CDH13: variants seen among roughly 807,000 people sequenced by gnomAD.
The protein encoded by CDH13 is cadherin 13.
In CDH13, 24 loss-of-function variants were observed where a neutral mutation model predicts 63.8. That is an observed-to-expected ratio of 0.38 (90% CI 0.27 to 0.53). The LOEUF (loss-of-function observed/expected upper bound fraction) is 0.53, where lower values mean the gene tolerates loss of function less well. CDH13 is among the 20% of genes least tolerant of loss of function. The pLI is 0.85. For synonymous variants in CDH13, 503 were observed against 355.3 expected (o/e 1.42, Z -4.67); for missense variants, 1,049 against 903.1 (o/e 1.16, Z -2.07).
intron 1 of CDH13, among the ~76,000 whole-genome samples, chr16:82,724,127 T>A (rs2032949046): frequency 6.6e-6 from 1 of 152,186 alleles, no homozygotes; most frequent in Non-Finnish European, 1.5e-5. Flanking sequence ...CCTACAATTG[T>A]GCAGGGTAAA....
rs112714171 is a variant in CDH13 at position 83,146,053 on chromosome 16, G to T, written c.483+20552G>T. ...TGCTAAAAACACAAAAAATTAGCCA[G>T]ACATGGTGGCAGCACCTGTAATTCC... is the stretch of plus-strand genomic sequence containing the variant. On this transcript the variant is annotated intron_variant, in intron 4 of 13. Coordinates refer to ENST00000567109, the MANE Select transcript of CDH13 (RefSeq NM_001257.5). 3.4e-3 allele frequency among the ~76,000 whole-genome samples: 522 copies of T among 152,218 alleles called. 2 individuals are homozygous for T. Among genetic ancestry groups the T allele is most frequent in the Non-Finnish European group, 6.0e-3 (406 of 68,026 alleles).
At chr16:82,949,123 G>T (rs879630056) in intron 2 of CDH13, among the ~76,000 whole-genome samples, 1 of 152,132 alleles carries the variant, frequency 6.6e-6, no homozygotes, top group Non-Finnish European at 1.5e-5. Flanking sequence ...AAAAGTACTG[G>T]GTGACTTAAA....
rs71148809 is a variant in CDH13, at chr16:83,080,871, GTTTTTT to G, written c.367-44492_367-44487del. Among the ~76,000 whole-genome samples the G allele has an allele frequency of 8.1e-4, 38 of 46,956 alleles. 1 individual carries two copies. Among genetic ancestry groups the G allele is most frequent in the East Asian group, 2.8e-3 (3 of 1,054 alleles). 30.8% of individuals were successfully genotyped at this position (46,956 alleles called of 152,430 possible). ...AGATAGAGTTTTGTTTTGTTTTTGT[GTTTTTT>G]TTTTTTTTTTTTTTTTTTTTTGAGA... On this transcript the variant is annotated intron_variant, in intron 3 of 13. Transcript: ENST00000567109.
At chr16:83,050,387 C>G (rs1056603830) in intron 3 of CDH13, among the ~76,000 whole-genome samples, 6 of 152,158 alleles carry the variant, frequency 3.9e-5, no homozygotes, top group African/African-American at 1.2e-4. Flanking sequence ...TCTACAGCAG[C>G]TGAACCACTT....
intron 6 of CDH13, among the ~76,000 whole-genome samples, chr16:83,480,997 G>T (rs921990533): frequency 2.0e-5 from 3 of 152,176 alleles, no homozygotes; most frequent in African/African-American, 7.2e-5. Flanking sequence ...TCCTTTTGAA[G>T]CACCACTATT....
intron 6 of CDH13, among the ~76,000 whole-genome samples, chr16:83,483,120 C>T (rs898591578): frequency 1.3e-5 from 2 of 152,208 alleles, no homozygotes; most frequent in East Asian, 1.9e-4. Flanking sequence ...TGGCCACGGT[C>T]ACGCAGCTTG....
chr16:83,708,674 C>T (rs895676583), intron 10 of CDH13, among the ~76,000 whole-genome samples: 4 of 152,168 alleles, frequency 2.6e-5, no homozygotes, highest in African/African-American at 9.7e-5. Context: ...GATGAAAGGT[C>T]TTTAGACGAC....
chr16:83,019,895 A>G (rs948518524), intron 2 of CDH13, among the ~76,000 whole-genome samples: 8 of 151,934 alleles, frequency 5.3e-5, no homozygotes, highest in African/African-American at 1.5e-4. Flanking sequence ...AACCAGTAGC[A>G]TAGTTGTTTA....
rs532460258 is a variant in CDH13, at chr16:83,643,887, C to T, written c.1102-26903C>T. ...TGTCCACTGTACAGCCACCTACCCA[C>T]GCTTTACGTACTACCCAGCTCTTCC... On this transcript the variant is annotated intron_variant, in intron 8 of 13. Coordinates refer to ENST00000567109, the MANE Select transcript of CDH13 (RefSeq NM_001257.5). Among the ~76,000 whole-genome samples, 191 of 152,354 alleles carry T rather than the reference C, an allele frequency of 1.3e-3. 1 individual carries two copies. Among genetic ancestry groups the T allele is most frequent in the African/African-American group, 3.2e-3 (132 of 41,580 alleles).
intron 2 of CDH13, among the ~76,000 whole-genome samples, chr16:82,863,897 A>AT (rs55887108): frequency 0.76 from 114,664 of 151,490 alleles, 43,659 homozygotes; most frequent in East Asian, 0.88. Context: ...ATTTTAAAAA[A>AT]TTGGTAAGAC....
intron 6 of CDH13, among the ~76,000 whole-genome samples, chr16:83,418,484 A>C (rs554516948): frequency 1.3e-5 from 2 of 152,288 alleles, no homozygotes; most frequent in South Asian, 2.1e-4. Flanking sequence ...ACATTCTCAT[A>C]GGTCAGTAGG....
At chr16:82,740,274 G>T (rs1484963019) in intron 1 of CDH13, among the ~76,000 whole-genome samples, 1 of 152,134 alleles carries the variant, frequency 6.6e-6, no homozygotes. Flanking sequence ...CTTTAATTCT[G>T]GATGGAAACT....
At chr16:83,657,304 A>G (rs1217558362) in intron 8 of CDH13, among the ~76,000 whole-genome samples, 2 of 152,172 alleles carry the variant, frequency 1.3e-5, no homozygotes, top group African/African-American at 2.4e-5. Flanking sequence ...TGTCTCTGGG[A>G]CAGTGAGTGA....
intron 1 of CDH13, among the ~76,000 whole-genome samples, chr16:82,798,944 G>C (rs4384600): frequency 0.056 from 8,563 of 152,180 alleles, 300 homozygotes; most frequent in Non-Finnish European, 0.067. Context: ...GGCCCAGAAA[G>C]GTGCCCAAGG....
rs151062057 is a variant in CDH13, at chr16:83,343,499, A to G, written c.637-1363A>G. On this transcript the variant is annotated intron_variant, in intron 5 of 13. Transcript: ENST00000567109. ...GGATCAGGAGTGGTATAAAAACGGA[A>G]CAAAAGTATGAGTCTTTCGTGGTTT... 7.2e-5 allele frequency among the ~76,000 whole-genome samples: 11 copies of G among 152,318 alleles called. 1 individual carries two copies. The highest frequency in any genetic ancestry group is 6.8e-3 in the Middle Eastern group (2 of 294).
chr16:82,742,744 A>C (rs555216623), intron 1 of CDH13, among the ~76,000 whole-genome samples: 6 of 152,340 alleles, frequency 3.9e-5, no homozygotes, highest in African/African-American at 1.4e-4. Context: ...GCATGCTCCC[A>C]GCAGAAAAGT....
At chr16:83,545,462 T>C (rs1399999463) in intron 7 of CDH13, among the ~76,000 whole-genome samples, 1 of 152,216 alleles carries the variant, frequency 6.6e-6, no homozygotes, top group Non-Finnish European at 1.5e-5. Flanking sequence ...ATCTTTCTCA[T>C]GCTTAAAGAA....
chr16:83,416,066 T>G (rs1373386007), intron 6 of CDH13, among the ~76,000 whole-genome samples: 1 of 152,100 alleles, frequency 6.6e-6, no homozygotes, highest in African/African-American at 2.4e-5. Context: ...GGATACAAAA[T>G]CAACAAACAA....
chr16:82,978,499 C>T (rs1392918945), intron 2 of CDH13, among the ~76,000 whole-genome samples: 1 of 152,206 alleles, frequency 6.6e-6, no homozygotes, highest in African/African-American at 2.4e-5. Flanking sequence ...CTTTGTGCAG[C>T]ATGGGAACTT....
Sources: gnomAD v4.1 joint callset for allele counts (sites outside exome capture counted in the v4.1 genomes callset) on GRCh38, gnomAD v4.1.1 for gene constraint, MANE v1.5 for transcripts, NCBI Gene and HGNC (gene_info 2026-07-23, HGNC 2026-07-21) for gene names.